MEGF10: variants seen among roughly 807,000 people sequenced by gnomAD.
MEGF10 encodes the protein multiple epidermal growth factor-like domains protein 10.
A neutral mutation model predicts 147.5 loss-of-function variants in MEGF10; 86 were observed. That is an observed-to-expected ratio of 0.58 (90% CI 0.49 to 0.70). MEGF10 has a LOEUF of 0.70. Among genes scored for constraint, MEGF10 ranks in the 30% least tolerant of loss-of-function variants. The pLI is 0.00. For missense variants in MEGF10, 1,329 were observed against 1,487.3 expected (o/e 0.89, Z 1.75); for synonymous variants, 478 against 525.5 (o/e 0.91, Z 1.24).
At chr5:127,307,778 TA>T (rs145726992) in intron 1 of MEGF10, among the ~76,000 whole-genome samples, 1 of 152,142 alleles carries the variant, frequency 6.6e-6, no homozygotes, top group East Asian at 1.9e-4. Context: ...CTTACAAATT[TA>T]AAAAAAGGAA....
intron 1 of MEGF10, among the ~76,000 whole-genome samples, chr5:127,318,721 C>G (rs1213223029): frequency 1.3e-5 from 2 of 152,034 alleles, no homozygotes; most frequent in Non-Finnish European, 2.9e-5. Context: ...ACGTAATTGG[C>G]TGAGAATGAG....
the MEGF10 span, among the ~76,000 whole-genome samples, chr5:127,269,607 G>A: frequency 2.6e-5 from 4 of 152,176 alleles, no homozygotes; most frequent in African/African-American, 9.7e-5. Context: ...CCAAATCTAT[G>A]TCTGATTGAT....
chr5:127,258,760 C>T, the MEGF10 span, among the ~76,000 whole-genome samples: 94 of 152,288 alleles, frequency 6.2e-4, no homozygotes, highest in African/African-American at 2.2e-3. Flanking sequence ...TTTTGTCCTT[C>T]TGCCATGTGA....
chr5:127,256,328 C>T, the MEGF10 span, among the ~76,000 whole-genome samples: 7 of 152,102 alleles, frequency 4.6e-5, no homozygotes, highest in Non-Finnish European at 1.0e-4. Context: ...GTAAAAACAA[C>T]CTGTGATGAC....
At chr5:127,284,330 T>C in the MEGF10 span, among the ~76,000 whole-genome samples, 1 of 152,160 alleles carries the variant, frequency 6.6e-6, no homozygotes. Context: ...ATTTGTGTTG[T>C]GGGGAGAGAT....
At chr5:127,298,247 A>C (rs1759596796) in intron 1 of MEGF10, among the ~76,000 whole-genome samples, 1 of 151,762 alleles carries the variant, frequency 6.6e-6, no homozygotes, top group African/African-American at 2.4e-5. Context: ...CTGTCCCTGC[A>C]CTCCTCCTCT....
At chr5:127,452,361 C>T (rs552513655) in intron 22 of MEGF10, among the ~76,000 whole-genome samples, 9 of 152,214 alleles carry the variant, frequency 5.9e-5, no homozygotes, top group Non-Finnish European at 1.3e-4. Context: ...GGAGCATAGA[C>T]AGAGCTCCTT....
intron 18 of MEGF10, among the ~76,000 whole-genome samples, chr5:127,441,721 G>A (rs1015617979): frequency 6.6e-6 from 1 of 152,130 alleles, no homozygotes; most frequent in African/African-American, 2.4e-5. Flanking sequence ...CTCTTGGGAA[G>A]GATCTGCCAA....
intron 1 of MEGF10, among the ~76,000 whole-genome samples, chr5:127,305,096 T>C (rs1759951920): frequency 6.6e-6 from 1 of 152,212 alleles, no homozygotes; most frequent in Non-Finnish European, 1.5e-5. Context: ...GTCCTAATAC[T>C]CATTTAAATG....
chr5:127,357,084 C>A (rs1215641690), intron 4 of MEGF10, among the ~76,000 whole-genome samples: 2 of 152,098 alleles, frequency 1.3e-5, no homozygotes, highest in African/African-American at 4.8e-5. Flanking sequence ...ACTCTTTGGA[C>A]CTGTAATTTC....
intron 5 of MEGF10, among the ~76,000 whole-genome samples, chr5:127,391,528 C>T (rs1054298779): frequency 6.6e-6 from 1 of 150,524 alleles, no homozygotes; most frequent in Non-Finnish European, 1.5e-5. Context: ...CAAGATCGCA[C>T]CACTGCACTC....
intron 13 of MEGF10, among the ~76,000 whole-genome samples, chr5:127,428,324 C>T (rs1765275178): frequency 1.3e-5 from 2 of 151,990 alleles, no homozygotes; most frequent in Non-Finnish European, 2.9e-5. Context: ...TGTTGAGTGT[C>T]TCCAGGTTCT....
chr5:127,346,762 G>A lies in MEGF10; in HGVS notation c.319+6132G>A, dbSNP rs182189090. On this transcript the variant is annotated intron_variant, in intron 4 of 24. Coordinates refer to ENST00000503335, the MANE Select transcript of MEGF10 (RefSeq NM_001256545.2). ...TTGTTTTTGTTGCATTTGCTTTTGC[G>A]TTCTTGGTCATAATAATTTGGAGAA... Among the ~76,000 whole-genome samples the A allele has an allele frequency of 1.1e-3, 172 of 152,048 alleles. 1 individual carries two copies. Among genetic ancestry groups the A allele is most frequent in the Non-Finnish European group, 1.9e-3 (126 of 67,962 alleles).
At chr5:127,415,235 A>G (rs989917311) in intron 9 of MEGF10, among the ~76,000 whole-genome samples, 5 of 152,168 alleles carry the variant, frequency 3.3e-5, no homozygotes, top group Non-Finnish European at 5.9e-5. Flanking sequence ...AGGTTTCACA[A>G]GGATAGTCTG....
rs575119641 is a variant in MEGF10 at position 127,356,672 on chromosome 5, C to T, written c.320-13238C>T. Reference sequence around the variant, plus strand: ...AGGAAATATGCCACCATGAATGAAACATACATGTTGATCCAGGGAGGAGAA... The same window carrying T: ...AGGAAATATGCCACCATGAATGAAATATACATGTTGATCCAGGGAGGAGAA... On this transcript the variant is annotated intron_variant, in intron 4 of 24. Transcript: ENST00000503335. 5.9e-5 allele frequency among the ~76,000 whole-genome samples: 9 copies of T among 152,280 alleles called. No individual in the cohort carries two copies. The East Asian group carries it at 1.2e-3, about 20-fold the overall frequency.
the MEGF10 span, among the ~76,000 whole-genome samples, chr5:127,247,582 A>T: frequency 1.3e-5 from 2 of 152,046 alleles, no homozygotes; most frequent in Admixed American, 6.6e-5. Flanking sequence ...TAATGGAGTA[A>T]CTGCTGTTGG....
Position 127,449,085 on chromosome 5 carries a change from T to C in MEGF10, c.2857-14T>C. On this transcript the variant is annotated splice_polypyrimidine_tract_variant and intron_variant, in intron 21 of 24. Transcript: ENST00000503335. ...ATTTTGTTTTTAATCTTTCGTTGTTTATATTTTTAACAGTCAAAAAACAAT... is the reference window on the plus strand; with the variant it reads ...ATTTTGTTTTTAATCTTTCGTTGTTCATATTTTTAACAGTCAAAAAACAAT... 1 of 1,613,900 alleles carries C rather than the reference T, an allele frequency of 6.2e-7. No homozygotes were observed. Among genetic ancestry groups the C allele is most frequent in the South Asian group, 1.1e-5 (1 of 91,046 alleles).
At chr5:127,314,135 T>A (rs938727758) in intron 1 of MEGF10, among the ~76,000 whole-genome samples, 21 of 152,192 alleles carry the variant, frequency 1.4e-4, no homozygotes, top group African/African-American at 4.3e-4. Context: ...CAGTTATGGA[T>A]CCCACTCTGT....
chr5:127,266,135 A>T, the MEGF10 span, among the ~76,000 whole-genome samples: 2 of 151,968 alleles, frequency 1.3e-5, no homozygotes, highest in African/African-American at 4.8e-5. Flanking sequence ...AGCTTTCTAC[A>T]TATGGCTAGC....
Sources: gnomAD v4.1 joint callset for allele counts (sites outside exome capture counted in the v4.1 genomes callset) on GRCh38, gnomAD v4.1.1 for gene constraint, MANE v1.5 for transcripts, NCBI Gene and HGNC (gene_info 2026-07-23, HGNC 2026-07-21) for gene names.